ELMO1: variants seen among roughly 807,000 people sequenced by gnomAD.
ELMO1 encodes engulfment and cell motility protein 1.
A neutral mutation model predicts 98.9 loss-of-function variants in ELMO1; 26 were observed. The ratio of observed to expected loss-of-function variants is 0.26; its 90% CI spans 0.19 to 0.36. ELMO1 has a LOEUF of 0.36. Ranked by LOEUF, ELMO1 falls within the 10% of genes least tolerant of loss-of-function variation. The probability of loss-of-function intolerance (pLI) is 1.00; values close to 1 mark genes in which losing one functional copy is unlikely to be tolerated. For synonymous variants in ELMO1, 346 were observed against 346.0 expected (o/e 1.00, Z 0.00); for missense variants, 627 against 935.2 (o/e 0.67, Z 4.30).
At chr7:37,414,230 T>C (rs1299097159) in intron 1 of ELMO1, among the ~76,000 whole-genome samples, 2 of 150,074 alleles carry the variant, frequency 1.3e-5, no homozygotes, top group African/African-American at 4.8e-5. Context: ...ATCCATATCT[T>C]ATCAGGTCTG....
intron 16 of ELMO1, among the ~76,000 whole-genome samples, chr7:36,895,737 C>G (rs1295190524): frequency 6.6e-6 from 1 of 152,204 alleles, no homozygotes; most frequent in African/African-American, 2.4e-5. Context: ...TCATCTTCAT[C>G]AGGACGCATA....
At chr7:37,185,421 TAATA>T (rs1330049745) in intron 13 of ELMO1, among the ~76,000 whole-genome samples, 1 of 152,128 alleles carries the variant, frequency 6.6e-6, no homozygotes, top group Non-Finnish European at 1.5e-5. Flanking sequence ...CCTGAAAAAA[TAATA>T]AATGAGTATT....
chr7:36,956,258 A>G (rs961476261), intron 16 of ELMO1, among the ~76,000 whole-genome samples: 9 of 152,312 alleles, frequency 5.9e-5, no homozygotes, highest in African/African-American at 2.2e-4. Context: ...GGTGCCTGCC[A>G]TGGGACTACA....
intron 9 of ELMO1, among the ~76,000 whole-genome samples, chr7:37,223,502 A>G (rs2130546272): frequency 6.6e-6 from 1 of 152,322 alleles, no homozygotes. Context: ...CACTTATTTC[A>G]TGGGATTGCT....
intron 1 of ELMO1, among the ~76,000 whole-genome samples, chr7:37,346,656 C>T (rs371133212): frequency 6.6e-6 from 1 of 152,158 alleles, no homozygotes; most frequent in African/African-American, 2.4e-5. Context: ...AAAGCAGGCT[C>T]TAATGTGCAA....
At chr7:37,103,224 C>T (rs1163060201) in intron 14 of ELMO1, among the ~76,000 whole-genome samples, 4 of 152,136 alleles carry the variant, frequency 2.6e-5, no homozygotes, top group South Asian at 2.1e-4. Context: ...ATTCTTATCG[C>T]TCTTGGGAAA....
At chr7:37,418,967 C>T (rs1410979324) in intron 1 of ELMO1, among the ~76,000 whole-genome samples, 1 of 152,018 alleles carries the variant, frequency 6.6e-6, no homozygotes, top group Non-Finnish European at 1.5e-5. Flanking sequence ...GAAGAGCACC[C>T]AGCGTGATTG....
At chr7:36,899,608 T>G (rs1281644696) in intron 16 of ELMO1, among the ~76,000 whole-genome samples, 2 of 150,748 alleles carry the variant, frequency 1.3e-5, no homozygotes, top group Admixed American at 1.3e-4. Flanking sequence ...GAATCCAGCA[T>G]GCATGTTTCC....
At chr7:36,876,302 T>C (rs1408129351) in intron 19 of ELMO1, among the ~76,000 whole-genome samples, 1 of 152,142 alleles carries the variant, frequency 6.6e-6, no homozygotes. Context: ...TATCTAAGAT[T>C]AGGTCCTTCT....
chr7:36,943,588 C>T (rs1200441239), intron 16 of ELMO1, among the ~76,000 whole-genome samples: 1 of 152,178 alleles, frequency 6.6e-6, no homozygotes. Flanking sequence ...GAACCATGTA[C>T]AACTGCTACG....
chr7:37,219,151 C>A (rs1285449715), intron 10 of ELMO1, among the ~76,000 whole-genome samples: 2 of 152,172 alleles, frequency 1.3e-5, no homozygotes. Flanking sequence ...GCAAGGCCTC[C>A]ACCCCTGGGG....
chr7:36,967,337 C>G (rs1789527994), intron 16 of ELMO1, among the ~76,000 whole-genome samples: 1 of 152,046 alleles, frequency 6.6e-6, no homozygotes, highest in African/African-American at 2.4e-5. Flanking sequence ...GGACAAAAAC[C>G]CATGCTTGAG....
At chr7:37,076,469 G>A (rs1797587529) in intron 15 of ELMO1, among the ~76,000 whole-genome samples, 1 of 152,192 alleles carries the variant, frequency 6.6e-6, no homozygotes, top group Non-Finnish European at 1.5e-5. Context: ...CAGCCACGAT[G>A]ACCAGTGTTT....
chr7:37,402,245 G>T (rs1803567886), intron 1 of ELMO1, among the ~76,000 whole-genome samples: 4 of 152,138 alleles, frequency 2.6e-5, no homozygotes, highest in Admixed American at 2.6e-4. Flanking sequence ...ATAAATGGAT[G>T]AGGCCAGGTT....
intron 16 of ELMO1, among the ~76,000 whole-genome samples, chr7:36,899,376 C>T (rs111622321): frequency 1.8e-4 from 27 of 152,110 alleles, no homozygotes; most frequent in African/African-American, 4.1e-4. Flanking sequence ...GCTGAGACAA[C>T]ATTTTGCTTG....
intron 18 of ELMO1, among the ~76,000 whole-genome samples, chr7:36,883,666 T>C (rs1175366653): frequency 1.3e-5 from 2 of 152,192 alleles, no homozygotes; most frequent in African/African-American, 2.4e-5. Flanking sequence ...TCTACCATGA[T>C]TGGATCATGA....
At chr7:37,440,128 A>G (rs1224160103) in intron 1 of ELMO1, among the ~76,000 whole-genome samples, 1 of 152,164 alleles carries the variant, frequency 6.6e-6, no homozygotes, top group Admixed American at 6.5e-5. Flanking sequence ...AATTGGAATA[A>G]CTGAGGCACA....
At chr7:37,026,640 A>T (rs1794594118) in intron 15 of ELMO1, among the ~76,000 whole-genome samples, 1 of 152,162 alleles carries the variant, frequency 6.6e-6, no homozygotes, top group Admixed American at 6.6e-5. Context: ...CCTCTGTGTC[A>T]AACAAACCAC....
chr7:37,398,168 A>G (rs1803375125), intron 1 of ELMO1, among the ~76,000 whole-genome samples: 1 of 152,164 alleles, frequency 6.6e-6, no homozygotes, highest in African/African-American at 2.4e-5. Context: ...TAACATTTAA[A>G]TTTAAATTTT....
Sources: gnomAD v4.1 joint callset for allele counts (sites outside exome capture counted in the v4.1 genomes callset) on GRCh38, gnomAD v4.1.1 for gene constraint, MANE v1.5 for transcripts, NCBI Gene and HGNC (gene_info 2026-07-23, HGNC 2026-07-21) for gene names.